The following FAM13B variants were observed in gnomAD, a reference collection of about 807,000 sequenced individuals.
FAM13B encodes the protein family with sequence similarity 13 member B.
A neutral mutation model predicts 117.3 loss-of-function variants in FAM13B; 60 were observed. The ratio of observed to expected loss-of-function variants is 0.51; its 90% CI spans 0.42 to 0.63. The LOEUF is 0.63. FAM13B is among the 30% of genes least tolerant of loss of function. The pLI is 0.00. For synonymous variants in FAM13B, 332 were observed against 356.1 expected (o/e 0.93, Z 0.76); for missense variants, 972 against 1,091.9 (o/e 0.89, Z 1.55).
intron 10 of FAM13B, among the ~76,000 whole-genome samples, chr5:137,964,914 C>A (rs961097101): frequency 3.3e-5 from 5 of 152,042 alleles, no homozygotes; most frequent in Admixed American, 1.3e-4. Context: ...CACTTGTAAT[C>A]CCAACACTTT....
intron 13 of FAM13B, among the ~76,000 whole-genome samples, chr5:137,958,756 T>C (rs899627577): frequency 4.6e-5 from 7 of 152,234 alleles, no homozygotes; most frequent in African/African-American, 1.7e-4. Context: ...AGTTTACAAA[T>C]ACATAGCAAA....
intron 15 of FAM13B, 30 bp downstream of exon 15, chr5:137,954,136 G>T (rs13163074): frequency 6.6e-7 from 1 of 1,521,336 alleles, no homozygotes; most frequent in Non-Finnish European, 9.0e-7. Flanking sequence ...AATAGGAATT[G>T]CCTCTTGTAA....
chr5:137,999,622 G>A (rs1346873210), intron 7 of FAM13B, among the ~76,000 whole-genome samples: 2 of 152,096 alleles, frequency 1.3e-5, no homozygotes, highest in Non-Finnish European at 2.9e-5. Flanking sequence ...TTAGGTATTT[G>A]TTACAGCAAC....
chr5:138,025,292 T>TATATATATAC (rs1787986415), intron 1 of FAM13B, among the ~76,000 whole-genome samples: 1 of 11,670 alleles, frequency 8.6e-5, no homozygotes, highest in African/African-American at 1.6e-4. Context: ...CAAAGCCATA[T>TATATATATAC]ATATATATAT....
chr5:137,957,873 G>GA (rs1308512068), intron 13 of FAM13B, among the ~76,000 whole-genome samples: 4 of 151,834 alleles, frequency 2.6e-5, no homozygotes, highest in East Asian at 3.9e-4. Flanking sequence ...TTCTGACATG[G>GA]AAAAAAAAGA....
chr5:138,018,018 T>C (rs1026689276), intron 4 of FAM13B, among the ~76,000 whole-genome samples: 9 of 152,322 alleles, frequency 5.9e-5, no homozygotes, highest in African/African-American at 2.2e-4. Flanking sequence ...CTCTTCTTTC[T>C]TTTTGATGAC....
intron 10 of FAM13B, 50 bp from the exon 11 acceptor site, chr5:137,962,519 TAAGAG>T (rs1352982757): frequency 2.6e-6 from 4 of 1,533,384 alleles, no homozygotes; most frequent in Admixed American, 3.8e-5. Flanking sequence ...AATACTCAGA[TAAGAG>T]AAGTTGCCAA....
At chr5:137,945,169 T>C (rs1373947948) in intron 20 of FAM13B, among the ~76,000 whole-genome samples, 2 of 152,042 alleles carry the variant, frequency 1.3e-5, no homozygotes, top group Admixed American at 6.6e-5. Context: ...TGCAAGTAGC[T>C]GTCTACATAA....
chr5:138,032,714 G>A lies in FAM13B; in HGVS notation c.-203+68C>T, dbSNP rs79349368. 3,201 of 985,654 alleles carry A rather than the reference G, an allele frequency of 3.2e-3. 62 individuals are homozygous for A. In the African/African-American group the frequency reaches 0.048, roughly 15 times the overall value. 61.1% of individuals were successfully genotyped at this position (985,654 alleles called of 1,614,324 possible). ...GGCAGGCGGCGCTGGGGGGCAACAG[G>A]AGGGGAAGGGCCGCGGCGACCTGCA... is the stretch of plus-strand genomic sequence containing the variant. On this transcript the variant is annotated intron_variant, in intron 1 of 23. Transcript: ENST00000689681.
intron 18 of FAM13B, among the ~76,000 whole-genome samples, chr5:137,947,038 G>A (rs1307470267): frequency 3.3e-5 from 5 of 152,088 alleles, no homozygotes; most frequent in African/African-American, 1.2e-4. Flanking sequence ...AAATTCATTT[G>A]TCCACAAACA....
At chr5:137,962,638 A>T (rs1169633235) in intron 10 of FAM13B, among the ~76,000 whole-genome samples, 169 bp from the exon 11 acceptor site, 1 of 152,180 alleles carries the variant, frequency 6.6e-6, no homozygotes, top group Non-Finnish European at 1.5e-5. Context: ...AGAGTAATTT[A>T]TCTTCCCTCA....
Position 137,984,194 on chromosome 5 carries a change from A to C in FAM13B, c.1179+1063T>G, listed in dbSNP as rs886740940. 3.3e-5 allele frequency among the ~76,000 whole-genome samples: 5 copies of C among 152,334 alleles called. No individual in the cohort carries two copies. In the South Asian group the frequency reaches 6.2e-4, roughly 19 times the overall value. ...CCACACCAAATTATTCCTCTTTGGC[A>C]TAAGGATTATTTTCAGCTTATTATT... On this transcript the variant is annotated intron_variant, in intron 10 of 23. Coordinates refer to ENST00000689681, the MANE Select transcript of FAM13B (RefSeq NM_001385994.1).
chr5:138,007,726 T>C (rs889324884), intron 6 of FAM13B, among the ~76,000 whole-genome samples: 3 of 152,258 alleles, frequency 2.0e-5, no homozygotes, highest in Non-Finnish European at 4.4e-5. Context: ...AAGGTTATAA[T>C]TATCTTGCTA....
chr5:137,977,272 G>A (rs146688237), intron 10 of FAM13B, among the ~76,000 whole-genome samples: 8 of 152,284 alleles, frequency 5.3e-5, no homozygotes, highest in Admixed American at 2.0e-4. Flanking sequence ...CAATGACAAC[G>A]TGTGCCTGAA....
chr5:138,001,458 T>C (rs1781239777), intron 7 of FAM13B, among the ~76,000 whole-genome samples: 2 of 152,220 alleles, frequency 1.3e-5, no homozygotes, highest in South Asian at 4.1e-4. Context: ...ACATTTGCTA[T>C]ATATGTAATT....
chr5:138,040,308 G>A (rs1011352603), intron 1 of FAM13B, among the ~76,000 whole-genome samples: 2 of 138,810 alleles, frequency 1.4e-5, no homozygotes, highest in Non-Finnish European at 3.1e-5. Flanking sequence ...GGTGGCTCAA[G>A]CCTGTAATCC....
Position 137,953,420 on chromosome 5 carries a change from G to A in FAM13B, c.1764C>T (p.Asp588=). The A allele has an allele frequency of 1.2e-6, 2 of 1,613,670 alleles. No homozygotes were observed. The highest frequency in any genetic ancestry group is 1.7e-6 in the Non-Finnish European group (2 of 1,179,720). The part of the protein sequence containing the change: ...SFSSKDEKRE[D]RTPYQLVKKL... ...TCTTGACCAGCTGATAAGGTGTTCT[G>A]TCCTCTCTCTTTTCATCTTTTGAAC... The change falls in exon 16 of 24, where the codon GAC becomes GAT. Residue 588 remains aspartate, a synonymous_variant. Transcript: ENST00000689681.
chr5:137,982,279 G>A (rs187032244), intron 10 of FAM13B, among the ~76,000 whole-genome samples: 1 of 152,284 alleles, frequency 6.6e-6, no homozygotes, highest in East Asian at 1.9e-4. Context: ...TTGGCTGGGC[G>A]TGGTGGCTCA....
intron 10 of FAM13B, among the ~76,000 whole-genome samples, chr5:137,977,534 G>A (rs1057275488): frequency 6.6e-6 from 1 of 152,056 alleles, no homozygotes. Flanking sequence ...TCTCTCTTTT[G>A]TACTCTGTCC....
Sources: gnomAD v4.1 joint callset for allele counts (sites outside exome capture counted in the v4.1 genomes callset) on GRCh38, gnomAD v4.1.1 for gene constraint, MANE v1.5 for transcripts, NCBI Gene and HGNC (gene_info 2026-07-23, HGNC 2026-07-21) for gene names.